Variants in EML4 observed in about 807,000 individuals in gnomAD.
The protein encoded by EML4 is echinoderm microtubule-associated protein-like 4.
Under a neutral mutation model 129.0 loss-of-function variants are expected in EML4, and 72 were observed. The ratio of observed to expected loss-of-function variants is 0.56; its 90% confidence interval spans 0.46 to 0.68. The LOEUF (loss-of-function observed/expected upper bound fraction) is 0.68. Ranked by LOEUF, EML4 falls within the 30% of genes least tolerant of loss-of-function variation. The probability of loss-of-function intolerance (pLI) is 0.00; values close to 1 mark genes in which losing one functional copy is unlikely to be tolerated. For synonymous variants in EML4, 532 were observed against 405.0 expected, an observed-to-expected ratio of 1.31 and a Z score of -3.77; for missense variants, 1,363 against 1,190.6, an observed-to-expected ratio of 1.14 and a Z score of -2.13.
At chr2:42,221,306 C>T (rs1275353875) in intron 1 of EML4, among the ~76,000 whole-genome samples, 1 of 151,812 alleles carries the variant, frequency 6.6e-6, no homozygotes, top group African/African-American at 2.4e-5. Flanking sequence ...TTCTGAAAAT[C>T]CTAGGGCCTT....
At chr2:42,257,879 C>T (rs1026161958) in intron 3 of EML4, among the ~76,000 whole-genome samples, 11 of 151,804 alleles carry the variant, frequency 7.2e-5, no homozygotes, top group East Asian at 3.9e-4. Context: ...CAATCTTTGT[C>T]GTCGTCATTA....
chr2:42,225,824 A>G (rs1673924521), intron 1 of EML4, among the ~76,000 whole-genome samples: 1 of 151,942 alleles, frequency 6.6e-6, no homozygotes, highest in Admixed American at 6.6e-5. Flanking sequence ...ACATATGTTA[A>G]TTTTCTCAAT....
At chr2:42,244,101 G>GTTTTTTTT (rs147426155) in intron 1 of EML4, among the ~76,000 whole-genome samples, 1 of 81,364 alleles carries the variant, frequency 1.2e-5, no homozygotes, top group African/African-American at 3.5e-5. Context: ...TTTGTTTTTT[G>GTTTTTTTT]TTTTTTTTTT....
At chr2:42,190,691 T>C (rs1671531716) in intron 1 of EML4, among the ~76,000 whole-genome samples, 1 of 152,192 alleles carries the variant, frequency 6.6e-6, no homozygotes, top group African/African-American at 2.4e-5. Flanking sequence ...TTTAAGTGTT[T>C]TGGTGTGTAT....
At chr2:42,277,458 G>GGTTT (rs1666719092) in intron 6 of EML4, among the ~76,000 whole-genome samples, 1 of 152,088 alleles carries the variant, frequency 6.6e-6, no homozygotes, top group African/African-American at 2.4e-5. Context: ...ATGTGATGTT[G>GGTTT]AAACCATAGT....
intron 17 of EML4, among the ~76,000 whole-genome samples, chr2:42,310,481 G>T (rs1558600616): frequency 6.6e-6 from 1 of 152,122 alleles, no homozygotes; most frequent in Non-Finnish European, 1.5e-5. Flanking sequence ...AGGTAGCTGG[G>T]ACTACAAGCG....
intron 1 of EML4, among the ~76,000 whole-genome samples, chr2:42,238,506 G>T (rs1205656159): frequency 6.6e-6 from 1 of 152,210 alleles, no homozygotes; most frequent in African/African-American, 2.4e-5. Flanking sequence ...ACTTTGGGAG[G>T]CTGAGAGGGG....
At chr2:42,192,042 G>C (rs1415902357) in intron 1 of EML4, among the ~76,000 whole-genome samples, 1 of 151,826 alleles carries the variant, frequency 6.6e-6, no homozygotes, top group African/African-American at 2.4e-5. Flanking sequence ...GGGAGGCTGA[G>C]GCAGGAGAAA....
At chr2:42,245,846 A>T (rs1675370026) in intron 2 of EML4, among the ~76,000 whole-genome samples, 159 bp downstream of exon 2, 1 of 152,146 alleles carries the variant, frequency 6.6e-6, no homozygotes, top group African/African-American at 2.4e-5. Flanking sequence ...CTGAAAGTTT[A>T]TTCTTTATTA....
At chr2:42,247,992 A>G (rs1385485220) in intron 2 of EML4, among the ~76,000 whole-genome samples, 3 of 152,098 alleles carry the variant, frequency 2.0e-5, no homozygotes, top group Non-Finnish European at 2.9e-5. Flanking sequence ...AATAGTTTAT[A>G]TTAGTTTTTT....
At position 42,315,951 on chromosome 2, in the gene EML4, C is replaced by G. The variant is rs1669224012; in HGVS notation, c.1968-11C>G. On this transcript the variant is annotated splice_polypyrimidine_tract_variant and intron_variant, in intron 17 of 22. Transcript: ENST00000318522. ...TATCTGAAGAAAATTTTGATTTTTA[C>G]TTCTTAACAGGTGGTTTGTTCTGGA... is the stretch of plus-strand genomic sequence containing the variant. 2 of 1,594,864 alleles carry G rather than the reference C, an allele frequency of 1.3e-6. No individual in the cohort carries two copies. Among genetic ancestry groups the G allele is most frequent in the Non-Finnish European group, 1.7e-6 (2 of 1,170,746 alleles).
At chr2:42,276,550 C>A (rs534517525) in intron 6 of EML4, among the ~76,000 whole-genome samples, 1 of 152,168 alleles carries the variant, frequency 6.6e-6, no homozygotes, top group Non-Finnish European at 1.5e-5. Flanking sequence ...TGAAAAGATA[C>A]TATAGTGTAC....
chr2:42,213,624 C>G (rs1484492443), intron 1 of EML4, among the ~76,000 whole-genome samples: 1 of 152,176 alleles, frequency 6.6e-6, no homozygotes, highest in Non-Finnish European at 1.5e-5. Flanking sequence ...ACTTTGTTAG[C>G]CTGTTGTCTC....
At chr2:42,322,764 G>T (rs1307684827) in intron 19 of EML4, among the ~76,000 whole-genome samples, 1 of 152,198 alleles carries the variant, frequency 6.6e-6, no homozygotes, top group African/African-American at 2.4e-5. Context: ...CATACACTTT[G>T]CATTAGCCTG....
chr2:42,193,670 A>G (rs1490899141), intron 1 of EML4, among the ~76,000 whole-genome samples: 4 of 151,814 alleles, frequency 2.6e-5, no homozygotes, highest in Non-Finnish European at 4.4e-5. Flanking sequence ...TTGAGTCATT[A>G]TAGGCGTTCT....
intron 1 of EML4, among the ~76,000 whole-genome samples, chr2:42,210,741 A>G (rs1010605651): frequency 3.9e-5 from 6 of 152,180 alleles, no homozygotes; most frequent in African/African-American, 1.4e-4. Context: ...AGATTGTTCC[A>G]GCTTTGGCCA....
intron 1 of EML4, among the ~76,000 whole-genome samples, chr2:42,204,585 T>A: frequency 6.6e-6 from 1 of 152,202 alleles, no homozygotes. Flanking sequence ...CTCGAATAGC[T>A]GTTGTTCCTT....
chr2:42,265,264 G>T (rs1410283569), intron 6 of EML4, among the ~76,000 whole-genome samples: 9 of 152,054 alleles, frequency 5.9e-5, no homozygotes, highest in African/African-American at 2.2e-4. Context: ...GGTGTTTTTT[G>T]TTTGTTTGTT....
chr2:42,203,061 T>C (rs1197870444), intron 1 of EML4, among the ~76,000 whole-genome samples: 1 of 152,102 alleles, frequency 6.6e-6, no homozygotes, highest in Non-Finnish European at 1.5e-5. Flanking sequence ...ATATTACATA[T>C]TTCAAAATAG....
Sources: gnomAD v4.1 joint callset for allele counts (sites outside exome capture counted in the v4.1 genomes callset) on GRCh38, gnomAD v4.1.1 for gene constraint, MANE v1.5 for transcripts, NCBI Gene and HGNC (gene_info 2026-07-23, HGNC 2026-07-21) for gene names.